TRPC5: variants seen among roughly 807,000 people sequenced by gnomAD.
TRPC5 encodes the protein short transient receptor potential channel 5.
In TRPC5, 9 loss-of-function variants were observed where a neutral mutation model predicts 56.5. The ratio of observed to expected loss-of-function variants is 0.16; its 90% CI spans 0.10 to 0.28. The LOEUF (loss-of-function observed/expected upper bound fraction) is 0.28, where lower values mean the gene tolerates loss of function less well. TRPC5 is among the 10% of genes least tolerant of loss of function. The probability of loss-of-function intolerance (pLI) is 1.00; values close to 1 mark genes in which losing one functional copy is unlikely to be tolerated. For missense variants in TRPC5, 469 were observed against 748.9 expected (o/e 0.63, Z 4.36); for synonymous variants, 282 against 278.5 (o/e 1.01, Z -0.13).
intron 1 of TRPC5, among the ~76,000 whole-genome samples, chrX:111,994,252 G>A (rs1239603359): frequency 9.0e-6 from 1 of 110,857 alleles, no homozygotes; most frequent in Admixed American, 9.7e-5. Context: ...GTTCTGTTCC[G>A]TTTGTCTATA....
chrX:111,792,317 C>A (rs1216795589), intron 7 of TRPC5, among the ~76,000 whole-genome samples: 2 of 109,326 alleles, frequency 1.8e-5, no homozygotes, highest in Non-Finnish European at 3.8e-5. Flanking sequence ...GGGTCGGGGG[C>A]AAGGGGAGGG....
At chrX:111,905,914 C>CAAAAAAAAAAA (rs1202912083) in intron 3 of TRPC5, among the ~76,000 whole-genome samples, 12 of 36,999 alleles carry the variant, frequency 3.2e-4, no homozygotes, top group African/African-American at 1.4e-3. Context: ...GTCTCTGTCT[C>CAAAAAAAAAAA]AAAAAAAAAA....
chrX:112,068,577 T>C (rs1316058497), intron 1 of TRPC5, among the ~76,000 whole-genome samples: 1 of 112,151 alleles, frequency 8.9e-6, no homozygotes, highest in Non-Finnish European at 1.9e-5. Flanking sequence ...GACATCTGCC[T>C]GCGAGGGGCC....
chrX:111,803,398 A>T (rs1450897137), intron 7 of TRPC5, among the ~76,000 whole-genome samples: 1 of 112,432 alleles, frequency 8.9e-6, no homozygotes, highest in Non-Finnish European at 1.9e-5. Flanking sequence ...ATCAAATTGT[A>T]TTTCTCATTC....
At chrX:112,057,856 A>G (rs1193303223) in intron 1 of TRPC5, among the ~76,000 whole-genome samples, 1 of 111,861 alleles carries the variant, frequency 8.9e-6, no homozygotes, top group Non-Finnish European at 1.9e-5. Context: ...ACAGATTCAG[A>G]TCCAGTGGGT....
intron 1 of TRPC5, among the ~76,000 whole-genome samples, chrX:112,019,052 T>C (rs2092217099): frequency 8.9e-6 from 1 of 112,515 alleles, no homozygotes; most frequent in Admixed American, 9.4e-5. Flanking sequence ...TGCAACTGTT[T>C]AGTCCCATCT....
intron 3 of TRPC5, among the ~76,000 whole-genome samples, chrX:111,864,806 G>A (rs1603063139): frequency 8.9e-6 from 1 of 111,819 alleles, no homozygotes. Context: ...AATTTTCAAC[G>A]TCTTGTAGCT....
chrX:111,790,835 C>T (rs752873793), intron 7 of TRPC5, among the ~76,000 whole-genome samples: 17 of 109,235 alleles, frequency 1.6e-4, no homozygotes, highest in Non-Finnish European at 2.1e-4. Flanking sequence ...GCTTTGCCAA[C>T]ATGGTGAAAC....
At chrX:111,784,444 G>C (rs1945944368) in intron 7 of TRPC5, among the ~76,000 whole-genome samples, 1 of 111,861 alleles carries the variant, frequency 8.9e-6, no homozygotes, top group Non-Finnish European at 1.9e-5. Flanking sequence ...TTATGGGGGA[G>C]TGGGGGCATT....
intron 2 of TRPC5, among the ~76,000 whole-genome samples, chrX:111,935,619 T>TTTATTTCA (rs1174141875): frequency 8.9e-6 from 1 of 111,911 alleles, no homozygotes; most frequent in East Asian, 2.8e-4. Context: ...GATGTAAGCC[T>TTTATTTCA]TTATTTCATT....
At chrX:111,918,810 G>A (rs978478600) in intron 2 of TRPC5, among the ~76,000 whole-genome samples, 7 of 111,469 alleles carry the variant, frequency 6.3e-5, no homozygotes, top group African/African-American at 2.3e-4. Flanking sequence ...CAGTGGAGCA[G>A]TGCTGAATGG....
intron 2 of TRPC5, among the ~76,000 whole-genome samples, chrX:111,941,576 C>T (rs751095788): frequency 1.8e-5 from 2 of 111,897 alleles, no homozygotes; most frequent in African/African-American, 6.5e-5. Flanking sequence ...TGTGCAGGGT[C>T]GCTTGTTCCT....
intron 6 of TRPC5, among the ~76,000 whole-genome samples, chrX:111,838,992 T>C (rs1270430709): frequency 8.9e-6 from 1 of 111,833 alleles, no homozygotes; most frequent in Non-Finnish European, 1.9e-5. Flanking sequence ...GACATCATCC[T>C]ATATTTCCCA....
intron 1 of TRPC5, among the ~76,000 whole-genome samples, chrX:112,006,791 C>T (rs1028461950): frequency 5.4e-5 from 6 of 111,856 alleles, no homozygotes; most frequent in African/African-American, 9.8e-5. Context: ...AGCAAACAAA[C>T]TCTGGCAATA....
chrX:111,993,170 T>G (rs1221980589), intron 1 of TRPC5, among the ~76,000 whole-genome samples: 2 of 109,038 alleles, frequency 1.8e-5, no homozygotes, highest in African/African-American at 6.7e-5. Flanking sequence ...TCTGTCCTTG[T>G]GATAGTTTGC....
chrX:111,825,167 CTTTCTTTCTT>C (rs1190531113), intron 7 of TRPC5, among the ~76,000 whole-genome samples: 1 of 72,598 alleles, frequency 1.4e-5, no homozygotes, highest in South Asian at 7.5e-4. Context: ...TTCTTTCTTT[CTTTCTTTCTT>C]TCTTTCTTTC....
At chrX:111,802,840 C>A (rs1209971429) in intron 7 of TRPC5, among the ~76,000 whole-genome samples, 1 of 111,102 alleles carries the variant, frequency 9.0e-6, no homozygotes, top group Non-Finnish European at 1.9e-5. Flanking sequence ...ATATCTATAT[C>A]TTTATTTATT....
At chrX:112,042,810 A>AT (rs34692008) in intron 1 of TRPC5, among the ~76,000 whole-genome samples, 1,660 of 105,094 alleles carry the variant, frequency 0.016, 15 homozygotes, top group Middle Eastern at 0.059. Context: ...TCTTAGCTAT[A>AT]TTTTTTTTTT....
chrX:111,909,577 A>G (rs753720960), intron 3 of TRPC5, among the ~76,000 whole-genome samples: 17 of 110,747 alleles, frequency 1.5e-4, no homozygotes, highest in Non-Finnish European at 2.5e-4. Flanking sequence ...TCTTACCACA[A>G]TAAAAAGTCC....
Sources: allele counts gnomAD v4.1 joint callset (sites outside exome capture counted in the v4.1 genomes callset), GRCh38; gene constraint gnomAD v4.1.1; transcripts MANE v1.5; gene names NCBI Gene and HGNC (gene_info 2026-07-23, HGNC 2026-07-21).